Variants in SYNE1 observed in about 807,000 individuals in gnomAD.
The protein encoded by SYNE1 is spectrin repeat containing nuclear envelope protein 1, also known as nesprin-1.
SYNE1 carries 616 observed loss-of-function variants against 1,111.0 expected under a neutral mutation model. That is an observed-to-expected ratio of 0.55 (90% CI 0.52 to 0.59). The LOEUF (loss-of-function observed/expected upper bound fraction) is 0.59. SYNE1 is among the 20% of genes least tolerant of loss of function. SYNE1 has a pLI of 0.00. For missense variants in SYNE1, 10,006 were observed against 10,417.0 expected, an observed-to-expected ratio of 0.96 and a Z score of 1.72; for synonymous variants, 3,855 against 3,825.8, an observed-to-expected ratio of 1.01 and a Z score of -0.28.
intron 93 of SYNE1, among the ~76,000 whole-genome samples, chr6:152,298,574 T>C (rs79739068): frequency 1.3e-5 from 2 of 151,984 alleles, no homozygotes; most frequent in South Asian, 4.2e-4. Flanking sequence ...TTTTTTTTTT[T>C]AACAACTGTG....
chr6:152,609,766 T>C (rs1252627164), intron 3 of SYNE1, among the ~76,000 whole-genome samples: 2 of 152,086 alleles, frequency 1.3e-5, no homozygotes, highest in African/African-American at 2.4e-5. Context: ...GGGGATGAAG[T>C]TTCCAGGGGA....
intron 127 of SYNE1, among the ~76,000 whole-genome samples, chr6:152,197,346 T>TCTG (rs1275755078): frequency 6.6e-6 from 1 of 152,254 alleles, no homozygotes; most frequent in African/African-American, 2.4e-5. Flanking sequence ...GCCATCTTGT[T>TCTG]CTGCTTCCTC....
intron 121 of SYNE1, among the ~76,000 whole-genome samples, chr6:152,216,266 C>A (rs2078634548): frequency 6.6e-6 from 1 of 152,178 alleles, no homozygotes; most frequent in South Asian, 2.1e-4. Flanking sequence ...CACAGTCCTT[C>A]CCCTCGTGGC....
chr6:152,391,692 C>T, intron 51 of SYNE1, 124 bp from the exon 52 acceptor site: 2 of 1,183,948 alleles, frequency 1.7e-6, no homozygotes, highest in Middle Eastern at 2.9e-4. Flanking sequence ...GCTGACATGC[C>T]TTTTAAATAA....
intron 4 of SYNE1, among the ~76,000 whole-genome samples, chr6:152,534,965 G>A (rs1003428268): frequency 6.6e-6 from 1 of 152,238 alleles, no homozygotes; most frequent in Non-Finnish European, 1.5e-5. Flanking sequence ...TGCTCTTAAT[G>A]GAATCTGTTA....
chr6:152,255,179 C>T lies in SYNE1; in HGVS notation c.19261-90G>A, dbSNP rs1036256025. On this transcript the variant is annotated intron_variant, in intron 103 of 145. Transcript: ENST00000367255. ...TTTTCTCATAGAAAGTCAACTAGAT[C>T]TCTCTGGCTGCTTAGTAATAATCAG... 17 of 1,117,996 alleles carry T rather than the reference C, an allele frequency of 1.5e-5. No individual in the cohort carries two copies. The African/African-American group carries it at 2.6e-4, about 17-fold the overall frequency. The allele number at this position is 1,117,996 out of a possible 1,614,324, so 69.3% of individuals were successfully genotyped here.
At position 152,269,140 on chromosome 6, in the gene SYNE1, T is replaced by C. The variant is rs2092988715; in HGVS notation, c.18705+15A>G. 3.7e-6 allele frequency: 6 copies of C among 1,613,948 alleles called. No individual in the cohort carries two copies. The highest frequency in any genetic ancestry group is 1.7e-5 in the Admixed American group (1 of 59,978). ...GGCAGATCTGCAAGCTAGAGAGAGG[T>C]AGGAAACACTTTACTTTTTGTTGCT... On this transcript the variant is annotated intron_variant, in intron 99 of 145. Coordinates refer to ENST00000367255, the MANE Select transcript of SYNE1 (RefSeq NM_182961.4).
At chr6:152,612,518 C>CA (rs1256189478) in intron 3 of SYNE1, among the ~76,000 whole-genome samples, 1 of 151,934 alleles carries the variant, frequency 6.6e-6, no homozygotes, top group Admixed American at 6.5e-5. Flanking sequence ...GCCTACCAAC[C>CA]AAAAAAAGTC....
Position 152,369,580 on chromosome 6 carries a change from C to A in SYNE1, c.9542G>T (p.Ser3181Ile). The A allele has an allele frequency of 6.2e-7, 1 of 1,614,176 alleles. No homozygotes were observed. Among genetic ancestry groups the A allele is most frequent in the East Asian group, 2.2e-5 (1 of 44,888 alleles). Reference sequence around the variant, plus strand: ...CAGCCAGTCCTGGATAGGCTCAGCACTTACTTCAAAGTCCTTCATTTGGAT... The same window carrying A: ...CAGCCAGTCCTGGATAGGCTCAGCAATTACTTCAAAGTCCTTCATTTGGAT... ...LKIQMKDFEV[S>I]AEPIQDWLSK... The change falls in exon 60 of 146, where the codon AGT (serine) becomes ATT (isoleucine). Residue 3181 changes from serine to isoleucine, a missense_variant. This residue lies in a region of SYNE1 where 4,955 missense variants were observed against 5,017.2 expected (regional missense o/e 0.99). Coordinates refer to ENST00000367255, the MANE Select transcript of SYNE1 (RefSeq NM_182961.4).
rs1029244968 is a variant in SYNE1, at chr6:152,511,027, A to G, written c.386T>C (p.Ile129Thr). Residue 129 changes from isoleucine to threonine, a missense_variant, in exon 7 of 146, where the codon ATT (isoleucine) becomes ACT (threonine). Physicochemically the swap from Ile to Thr is moderately conservative, Grantham distance 89. Coordinates refer to ENST00000367255, the MANE Select transcript of SYNE1 (RefSeq NM_182961.4). ...GCACAATACCTGGAAATATAGAATA[A>G]TGGTCCACATCAATCCAAGAACTAT... is the stretch of plus-strand genomic sequence containing the variant. ...PSIVLGLMWT[I>T]ILYFQIEELT... 1.4e-5 allele frequency: 23 copies of G among 1,613,820 alleles called. No individual in the cohort carries two copies. The highest frequency in any genetic ancestry group is 1.8e-5 in the Non-Finnish European group (21 of 1,179,834).
chr6:152,471,612 A>G lies in SYNE1; in HGVS notation c.1617T>C (p.Leu539=), dbSNP rs886043491. ...KYGRRESVEQ[L]LQNYVSFIEN... is the part of the protein sequence containing the mutation. ...GGGGACTCACCACGTAGTTTTGTAG[A>G]AGCTGCTCCACTGACTCTCTCCTCC... The change falls in exon 16 of 146, where the codon CTT becomes CTC. Residue 539 remains leucine, a synonymous_variant. Transcript: ENST00000367255. 3.1e-6 allele frequency: 5 copies of G among 1,613,932 alleles called. No individual in the cohort carries two copies. In the African/African-American group the frequency reaches 5.3e-5, roughly 17 times the overall value.
intron 3 of SYNE1, among the ~76,000 whole-genome samples, chr6:152,564,083 A>G (rs1332154255): frequency 6.6e-6 from 1 of 152,218 alleles, no homozygotes; most frequent in African/African-American, 2.4e-5. Context: ...ATTCCATTTT[A>G]TACTGCGTAA....
In SYNE1 at chr6:152,238,651, G is replaced by A. The variant is rs548729606; in HGVS notation, c.20067+882C>T. 2.4e-4 allele frequency among the ~76,000 whole-genome samples: 37 copies of A among 152,176 alleles called. 2 individuals carry two copies. The South Asian group carries it at 3.3e-3, about 14-fold the overall frequency. ...GATCAGTAATATTGTGGGAGTGGGT[G>A]GGGAAGTCCACAAAGGGGAGAGAGA... is the stretch of plus-strand genomic sequence containing the variant. On this transcript the variant is annotated intron_variant, in intron 108 of 145. Coordinates refer to ENST00000367255, the MANE Select transcript of SYNE1 (RefSeq NM_182961.4).
rs534678815 is a variant in SYNE1, at chr6:152,330,014, T to C, written c.14671A>G (p.Thr4891Ala). ...SRMVQSIDFQ[T>A]EMSRSLDWLR... Reference sequence around the variant, plus strand: ...CAGTCCAGGGAGCGACTCATCTCAGTCTGGAAGTCTATACTCTGCACCATT... The same window carrying C: ...CAGTCCAGGGAGCGACTCATCTCAGCCTGGAAGTCTATACTCTGCACCATT... Residue 4891 changes from threonine to alanine, a missense_variant, in exon 78 of 146, where the codon ACT becomes GCT. Physicochemically the swap from Thr to Ala is moderately conservative, Grantham distance 58. Transcript: ENST00000367255. 6.8e-6 allele frequency: 11 copies of C among 1,614,134 alleles called. No individual in the cohort carries two copies. The East Asian group carries it at 1.8e-4, about 26-fold the overall frequency.
chr6:152,380,592 A>C (rs901278071), intron 56 of SYNE1: 4 of 252,194 alleles, frequency 1.6e-5, no homozygotes, highest in Non-Finnish European at 3.1e-5. Flanking sequence ...GGAGATTACC[A>C]AGTGAGTCTT....
chr6:152,586,626 G>A (rs1013611022), intron 3 of SYNE1, among the ~76,000 whole-genome samples: 2 of 149,878 alleles, frequency 1.3e-5, no homozygotes, highest in African/African-American at 4.9e-5. Flanking sequence ...ACTTAGCACT[G>A]ATGCTGGCTA....
At chr6:152,481,540 C>A (rs2098899132) in intron 14 of SYNE1, 1 of 452,936 alleles carries the variant, frequency 2.2e-6, no homozygotes, top group Non-Finnish European at 4.4e-6. Context: ...ACATGTACCC[C>A]CTGAATCTGC....
At chr6:152,328,392 AT>A (rs774684187) in intron 78 of SYNE1, among the ~76,000 whole-genome samples, 1 of 133,562 alleles carries the variant, frequency 7.5e-6, no homozygotes, top group Non-Finnish European at 1.6e-5. Context: ...TTATTTATTT[AT>A]TTATTTATTT....
At chr6:152,496,545 A>G (rs888928001) in intron 11 of SYNE1, among the ~76,000 whole-genome samples, 3 of 152,094 alleles carry the variant, frequency 2.0e-5, no homozygotes, top group Admixed American at 6.6e-5. Flanking sequence ...CAATCATTCT[A>G]TATGACAAAT....
Sources: allele counts gnomAD v4.1 joint callset (sites outside exome capture counted in the v4.1 genomes callset), GRCh38; gene constraint gnomAD v4.1.1; regional missense constraint gnomAD v4.1.1; transcripts MANE v1.5; gene names NCBI Gene and HGNC (gene_info 2026-07-23, HGNC 2026-07-21).